FOXN3: variants seen among roughly 807,000 people sequenced by gnomAD.
The protein encoded by FOXN3 is forkhead box N3.
A neutral mutation model predicts 38.4 loss-of-function variants in FOXN3; 7 were observed. The observed-to-expected ratio is 0.18, with a 90% confidence interval of 0.10 to 0.34. The LOEUF (loss-of-function observed/expected upper bound fraction) is 0.34. FOXN3 is among the 10% of genes least tolerant of loss of function. The pLI is 1.00. For missense variants in FOXN3, 456 were observed against 613.4 expected (o/e 0.74, Z 2.71); for synonymous variants, 230 against 242.2 (o/e 0.95, Z 0.47).
chr14:89,318,781 A>C (rs1456974286), intron 3 of FOXN3, among the ~76,000 whole-genome samples: 2 of 152,204 alleles, frequency 1.3e-5, no homozygotes, highest in African/African-American at 4.8e-5. Context: ...TGACCACTCA[A>C]ATCCGGGTTC....
chr14:89,277,313 A>C (rs1886328534), intron 4 of FOXN3, among the ~76,000 whole-genome samples: 2 of 152,198 alleles, frequency 1.3e-5, no homozygotes, highest in Non-Finnish European at 2.9e-5. Context: ...AGGGCTCTGA[A>C]TAAGCCACTC....
chr14:89,593,030 AGAGG>A (rs534129916), intron 1 of FOXN3, among the ~76,000 whole-genome samples: 46 of 133,652 alleles, frequency 3.4e-4, no homozygotes, highest in South Asian at 1.7e-3. Context: ...AAGGAGGGAA[AGAGG>A]GAGGGAGGGA....
chr14:89,378,357 C>T (rs1423524787), intron 2 of FOXN3, among the ~76,000 whole-genome samples: 4 of 152,174 alleles, frequency 2.6e-5, no homozygotes, highest in Admixed American at 2.0e-4. Context: ...GGCTCTCTCT[C>T]GTGCACCCAC....
intron 1 of FOXN3, among the ~76,000 whole-genome samples, chr14:89,562,935 G>A (rs974632027): frequency 7.9e-5 from 12 of 152,200 alleles, no homozygotes; most frequent in African/African-American, 2.9e-4. Context: ...CCAGGTTAAA[G>A]AGTGGTCAGT....
chr14:89,397,944 C>G (rs1414133123), intron 2 of FOXN3, among the ~76,000 whole-genome samples: 1 of 152,210 alleles, frequency 6.6e-6, no homozygotes, highest in African/African-American at 2.4e-5. Flanking sequence ...TTATGCGTCC[C>G]TACCTCTGGA....
rs10146764 is a variant in FOXN3, at chr14:89,344,905, T to C, written c.680+5767A>G. Among the ~76,000 whole-genome samples, 390 of 152,210 alleles carry C rather than the reference T, an allele frequency of 2.6e-3. 1 individual carries two copies. Among genetic ancestry groups the C allele is most frequent in the African/African-American group, 8.9e-3 (371 of 41,526 alleles). On this transcript the variant is annotated intron_variant, in intron 3 of 5. Transcript: ENST00000557258. Reference sequence around the variant, plus strand: ...CTAGGAAGGAGGGGCACAGGCAACATAAAGATTAGAACAGCTCAGTGGACT... The same window carrying C: ...CTAGGAAGGAGGGGCACAGGCAACACAAAGATTAGAACAGCTCAGTGGACT...
intron 3 of FOXN3, among the ~76,000 whole-genome samples, chr14:89,341,877 C>A (rs867836397): frequency 6.6e-6 from 1 of 152,180 alleles, no homozygotes; most frequent in South Asian, 2.1e-4. Context: ...CCCCCTCTAA[C>A]GATGCCTAAG....
chr14:89,301,385 A>T (rs1357097183), intron 3 of FOXN3, among the ~76,000 whole-genome samples: 7 of 151,740 alleles, frequency 4.6e-5, no homozygotes, highest in African/African-American at 1.7e-4. Flanking sequence ...CTGAAATGGG[A>T]GGATCACTTG....
chr14:89,173,991 T>G (rs1334093025), intron 5 of FOXN3, among the ~76,000 whole-genome samples: 1 of 151,990 alleles, frequency 6.6e-6, no homozygotes, highest in Non-Finnish European at 1.5e-5. Flanking sequence ...AGACCCTGTC[T>G]CAAATAAATA....
At position 89,163,678 on chromosome 14, in the gene FOXN3, C is replaced by A. The variant is rs1887165498; in HGVS notation, c.852-709G>T. Among the ~76,000 whole-genome samples, 1 of 152,192 alleles carries A rather than the reference C, an allele frequency of 6.6e-6. No homozygotes were observed. Among genetic ancestry groups the A allele is most frequent in the Non-Finnish European group, 1.5e-5 (1 of 68,028 alleles). On this transcript the variant is annotated intron_variant, in intron 5 of 5. Coordinates refer to ENST00000557258, the MANE Select transcript of FOXN3 (RefSeq NM_005197.4). This position sits in a 1 kb window ranked among gnomAD's most constrained non-coding sequence, Gnocchi z 4.3. ...AAACTACGACTTCCCGAACTCAACA[C>A]CTGCCAGGCGCTCTGCTAAGTCTGT...
intron 1 of FOXN3, among the ~76,000 whole-genome samples, chr14:89,474,722 A>G (rs1022028661): frequency 6.6e-6 from 1 of 152,344 alleles, no homozygotes; most frequent in Non-Finnish European, 1.5e-5. Flanking sequence ...CTCGGGTAGA[A>G]GAGCCAAGAA....
intron 1 of FOXN3, among the ~76,000 whole-genome samples, chr14:89,560,627 C>T (rs1895229003): frequency 6.6e-6 from 1 of 152,218 alleles, no homozygotes; most frequent in African/African-American, 2.4e-5. Context: ...GATGGCCTAT[C>T]GTTATAGACC....
intron 1 of FOXN3, among the ~76,000 whole-genome samples, chr14:89,431,377 A>C (rs1892153384): frequency 2.6e-5 from 4 of 151,836 alleles, no homozygotes; most frequent in Admixed American, 2.6e-4. Context: ...CACCCGGCTA[A>C]TTTTTGTATT....
intron 4 of FOXN3, among the ~76,000 whole-genome samples, chr14:89,259,964 G>C (rs1885744642): frequency 6.6e-6 from 1 of 152,174 alleles, no homozygotes; most frequent in Non-Finnish European, 1.5e-5. Flanking sequence ...CATATCCACA[G>C]ACAGAACTTC....
chr14:89,595,645 T>C (rs2139932468), intron 1 of FOXN3, among the ~76,000 whole-genome samples: 1 of 152,318 alleles, frequency 6.6e-6, no homozygotes, highest in East Asian at 1.9e-4. Context: ...CAATAATTAA[T>C]AGTTTTATTT....
At chr14:89,380,685 C>T (rs1455970090) in intron 2 of FOXN3, among the ~76,000 whole-genome samples, 2 of 152,222 alleles carry the variant, frequency 1.3e-5, no homozygotes, top group South Asian at 2.1e-4. Flanking sequence ...CCCACAACCC[C>T]GTCCTATAAA....
chr14:89,304,350 T>C (rs1887311491), intron 3 of FOXN3, among the ~76,000 whole-genome samples: 1 of 152,160 alleles, frequency 6.6e-6, no homozygotes, highest in Admixed American at 6.5e-5. Context: ...ATCCAAAATG[T>C]CCAGTTTGAA....
intron 1 of FOXN3, among the ~76,000 whole-genome samples, chr14:89,488,999 A>G (rs1203488017): frequency 6.6e-6 from 1 of 152,214 alleles, no homozygotes; most frequent in East Asian, 1.9e-4. Context: ...CTTCTAGAAA[A>G]TGGACATAAA....
intron 1 of FOXN3, among the ~76,000 whole-genome samples, chr14:89,443,101 TG>T (rs1892420857): frequency 1.3e-5 from 2 of 152,232 alleles, no homozygotes; most frequent in Non-Finnish European, 2.9e-5. Context: ...AGTAAAATAC[TG>T]GTGAGGTCAT....
Sources: gnomAD v4.1 joint callset for allele counts (sites outside exome capture counted in the v4.1 genomes callset) on GRCh38, gnomAD v4.1.1 for gene constraint, Gnocchi (gnomAD v3.1) non-coding constraint, MANE v1.5 for transcripts, NCBI Gene and HGNC (gene_info 2026-07-23, HGNC 2026-07-21) for gene names.